Variants in LOC128462377 observed in about 807,000 individuals in gnomAD.
At chr16:89,415,173 C>T in the LOC128462377 span, among the ~76,000 whole-genome samples, 1 of 151,402 alleles carries the variant, frequency 6.6e-6, no homozygotes, top group South Asian at 2.1e-4. Flanking sequence ...AGGCTGGTCT[C>T]GCACTCCTGA....
the LOC128462377 span, among the ~76,000 whole-genome samples, chr16:89,393,187 C>G: frequency 3.3e-5 from 5 of 152,180 alleles, no homozygotes; most frequent in East Asian, 7.7e-4. Context: ...TCATAAATAC[C>G]TTGAGAGCAC....
the LOC128462377 span, among the ~76,000 whole-genome samples, chr16:89,361,904 A>G: frequency 6.6e-6 from 1 of 152,214 alleles, no homozygotes; most frequent in Non-Finnish European, 1.5e-5. Context: ...GAGGGACAGT[A>G]AAGGTCAGAC....
At chr16:89,323,161 G>C in the LOC128462377 span, 1 of 429,340 alleles carries the variant, frequency 2.3e-6, no homozygotes, top group South Asian at 1.9e-5. Flanking sequence ...CAGCGGCTGC[G>C]TCAGGAGTGG....
chr16:89,332,213 AT>A, the LOC128462377 span, among the ~76,000 whole-genome samples: 1 of 152,168 alleles, frequency 6.6e-6, no homozygotes, highest in East Asian at 1.9e-4. Context: ...GTATTAAAGA[AT>A]CCTCACAATA....
chr16:89,381,354 A>AAAAAAAAAAAAAAAAAAAAAAAAAAG, the LOC128462377 span, among the ~76,000 whole-genome samples: 2 of 125,336 alleles, frequency 1.6e-5, no homozygotes, highest in African/African-American at 6.6e-5. Flanking sequence ...AAAAAAAAAA[A>AAAAAAAAAAAAAAAAAAAAAAAAAAG]GGGGTGAGAA....
At chr16:89,389,048 A>G in the LOC128462377 span, among the ~76,000 whole-genome samples, 1 of 152,256 alleles carries the variant, frequency 6.6e-6, no homozygotes, top group Non-Finnish European at 1.5e-5. Context: ...GAACAATTTG[A>G]GCAAAAAATA....
chr16:89,377,658 G>A, the LOC128462377 span, among the ~76,000 whole-genome samples: 1 of 152,130 alleles, frequency 6.6e-6, no homozygotes, highest in African/African-American at 2.4e-5. Context: ...AGACACTCCT[G>A]CAGAGGGGAG....
At chr16:89,324,674 C>T in the LOC128462377 span, 12 of 360,886 alleles carry the variant, frequency 3.3e-5, no homozygotes, top group Non-Finnish European at 4.9e-5. Context: ...CTGGATACTT[C>T]CTGCCCTCGA....
chr16:89,356,529 T>C, the LOC128462377 span, among the ~76,000 whole-genome samples: 8 of 150,632 alleles, frequency 5.3e-5, no homozygotes, highest in Non-Finnish European at 1.2e-4. Context: ...CCCAGCTCTT[T>C]GGGAGGCCGA....
the LOC128462377 span, among the ~76,000 whole-genome samples, chr16:89,374,870 T>G: frequency 1.3e-5 from 2 of 152,010 alleles, no homozygotes; most frequent in African/African-American, 4.8e-5. Flanking sequence ...ACTGAAAAAC[T>G]TATTAGAGAT....
the LOC128462377 span, chr16:89,324,207 G>A: frequency 8.4e-7 from 1 of 1,187,900 alleles, no homozygotes; most frequent in South Asian, 1.6e-5. Context: ...AGCGCGTTCA[G>A]CATTACTGGC....
the LOC128462377 span, among the ~76,000 whole-genome samples, chr16:89,412,942 G>A: frequency 1.3e-5 from 2 of 152,126 alleles, no homozygotes; most frequent in Non-Finnish European, 2.9e-5. Context: ...ACTCAGAGCC[G>A]GATTCCAGCT....
chr16:89,399,767 A>G, the LOC128462377 span, among the ~76,000 whole-genome samples: 1 of 151,502 alleles, frequency 6.6e-6, no homozygotes, highest in African/African-American at 2.4e-5. Context: ...TTTATGTTCT[A>G]TTTTGCTGTG....
the LOC128462377 span, among the ~76,000 whole-genome samples, chr16:89,362,425 A>G: frequency 2.0e-5 from 3 of 152,176 alleles, no homozygotes; most frequent in African/African-American, 7.2e-5. Flanking sequence ...CCAAACCTAA[A>G]TTGCACAGCT....
At chr16:89,332,383 GCCC>G in the LOC128462377 span, among the ~76,000 whole-genome samples, 1 of 152,126 alleles carries the variant, frequency 6.6e-6, no homozygotes, top group African/African-American at 2.4e-5. Flanking sequence ...GAAACACTGA[GCCC>G]CCCAAGTCCC....
the LOC128462377 span, among the ~76,000 whole-genome samples, chr16:89,337,220 G>A: frequency 3.3e-5 from 5 of 151,298 alleles, no homozygotes; most frequent in Admixed American, 6.6e-5. Context: ...AAATTAAAAC[G>A]CCAAACGCAC....
chr16:89,317,992 G>T, the LOC128462377 span, among the ~76,000 whole-genome samples: 2 of 152,160 alleles, frequency 1.3e-5, no homozygotes, highest in Non-Finnish European at 2.9e-5. Context: ...AAGCCTGCAA[G>T]AACTTTCCGA....
the LOC128462377 span, among the ~76,000 whole-genome samples, chr16:89,345,956 A>G: frequency 5.3e-5 from 8 of 152,276 alleles, no homozygotes; most frequent in African/African-American, 1.9e-4. Flanking sequence ...AAGAATCAAC[A>G]GAACAGGCCA....
chr16:89,392,299 C>G, the LOC128462377 span: 3 of 152,402 alleles, frequency 2.0e-5, no homozygotes, highest in Non-Finnish European at 4.4e-5. Flanking sequence ...AGTGCTATTT[C>G]TTTACGGCAC....
Sources: gnomAD v4.1 joint callset for allele counts (sites outside exome capture counted in the v4.1 genomes callset) on GRCh38, gnomAD v4.1.1 for gene constraint, MANE v1.5 for transcripts.